SYNE2: variants seen among roughly 807,000 people sequenced by gnomAD.
The protein encoded by SYNE2 is nesprin-2.
SYNE2 carries 431 observed loss-of-function variants against 856.3 expected under a neutral mutation model. The ratio of observed to expected loss-of-function variants is 0.50; its 90% CI spans 0.47 to 0.55. The LOEUF (loss-of-function observed/expected upper bound fraction) is 0.55. Among genes scored for constraint, SYNE2 ranks in the 20% least tolerant of loss-of-function variants. SYNE2 has a pLI of 0.00. For missense variants in SYNE2, 8,129 were observed against 8,023.2 expected (o/e 1.01, Z -0.50); for synonymous variants, 2,923 against 2,872.3 (o/e 1.02, Z -0.56).
chr14:63,888,574 G>A (rs1429063268), intron 1 of SYNE2, among the ~76,000 whole-genome samples: 2 of 152,178 alleles, frequency 1.3e-5, no homozygotes, highest in African/African-American at 4.8e-5. Context: ...CAATGGCCGG[G>A]AATCAAGTAA....
chr14:64,105,714 A>C (rs1400658222), intron 64 of SYNE2, among the ~76,000 whole-genome samples: 1 of 152,196 alleles, frequency 6.6e-6, no homozygotes, highest in Admixed American at 6.5e-5. Flanking sequence ...TGCTGAATCA[A>C]AGTATATATC....
intron 8 of SYNE2, among the ~76,000 whole-genome samples, chr14:63,959,209 TA>T (rs2096277182): frequency 9.5e-6 from 1 of 104,934 alleles, no homozygotes; most frequent in African/African-American, 3.3e-5. Flanking sequence ...AATTAGGTTA[TA>T]TTTGTAAGCT....
rs780548007 is a variant in SYNE2 at position 64,214,298 on chromosome 14, G to A, written c.19161G>A (p.Pro6387=). 7.3e-5 allele frequency: 118 copies of A among 1,613,986 alleles called. 2 individuals carry two copies. The South Asian group carries it at 1.2e-3, about 16-fold the overall frequency. The change falls in exon 106 of 116, where the codon CCG becomes CCA. Residue 6387 remains proline (P), a synonymous_variant. Transcript: ENST00000555002. ...GTAAACGGGGAGAGAGCGAGGAACC[G>A]TCATCTCCTCAGTCCCTGTGTCATC... ...SWRKRGESEE[P]SSPQSLCHLV...
intron 1 of SYNE2, among the ~76,000 whole-genome samples, chr14:63,795,472 GTTAATAC>G (rs1442930779): frequency 2.0e-5 from 3 of 152,146 alleles, no homozygotes; most frequent in African/African-American, 7.2e-5. Flanking sequence ...GGTCGTGTGA[GTTAATAC>G]TTAATAGTTA....
intron 72 of SYNE2, 28 bp from the exon 73 acceptor site, chr14:64,126,570 T>A (rs2097948048): frequency 6.2e-7 from 1 of 1,614,062 alleles, no homozygotes; most frequent in Non-Finnish European, 8.5e-7. Context: ...CAGAGCTCAT[T>A]CATTGTCTTC....
rs1261546892 is a variant in SYNE2, at chr14:63,818,044, A to AAAC, written c.-304-34454_-304-34452dup. Among the ~76,000 whole-genome samples the AAAC allele has an allele frequency of 5.4e-5, 8 of 149,068 alleles. No individual in the cohort carries two copies. In the East Asian group the frequency reaches 1.4e-3, roughly 26 times the overall value. On this transcript the variant is annotated intron_variant, in intron 1 of 23. Transcript: ENST00000674003. Reference sequence around the variant, plus strand: ...TTTCTCAAAAAAAAAAAAAAAAAAAAAACAAATAAATAAAAATTAGACCAG... The same window carrying AAAC: ...TTTCTCAAAAAAAAAAAAAAAAAAAAAACAACAAATAAATAAAAATTAGACCAG...
At chr14:63,968,184 AAGG>A in intron 11 of SYNE2, among the ~76,000 whole-genome samples, 1 of 152,194 alleles carries the variant, frequency 6.6e-6, no homozygotes, top group Non-Finnish European at 1.5e-5. Flanking sequence ...AACATTTTCA[AAGG>A]GCAGCTTTGT....
At chr14:63,869,936 T>G (rs1402287005) in intron 1 of SYNE2, among the ~76,000 whole-genome samples, 9 of 152,282 alleles carry the variant, frequency 5.9e-5, no homozygotes, top group African/African-American at 2.2e-4. Context: ...TCTATCTCCT[T>G]TTAATCCCCT....
At chr14:63,928,364 G>A (rs947424219) in intron 2 of SYNE2, among the ~76,000 whole-genome samples, 2 of 152,234 alleles carry the variant, frequency 1.3e-5, no homozygotes, top group Non-Finnish European at 1.5e-5. Flanking sequence ...GTAATTGTGA[G>A]GTTGAGAAAT....
chr14:63,893,598 A>C (rs180905008), intron 1 of SYNE2, among the ~76,000 whole-genome samples: 32 of 152,316 alleles, frequency 2.1e-4, no homozygotes, highest in Non-Finnish European at 4.3e-4. Context: ...AACATTGCTC[A>C]AGTTATTAAT....
rs1370708644 is a variant in SYNE2, at chr14:63,986,616, A to T, written c.2312A>T (p.Lys771Met). Reference protein sequence around the residue: ...DVDTSMEESLKHLIAKGSMFD... With the variant: ...DVDTSMEESLMHLIAKGSMFD... ...GACACCTCAATGGAAGAATCTTTGA[A>T]GGTATGTGTGTAAAAGTATTAAGAG... The change falls in exon 19 of 116, where the codon AAG (lysine) becomes ATG (methionine). Residue 771 changes from lysine to methionine, a missense_variant and splice_region_variant. By Grantham distance (95) the Lys-to-Met change is moderately conservative. Transcript: ENST00000555002. 1 of 1,614,026 alleles carries T rather than the reference A, an allele frequency of 6.2e-7. No homozygotes were observed. The highest frequency in any genetic ancestry group is 1.7e-5 in the Admixed American group (1 of 60,030).
rs202084149 is a variant in SYNE2, at chr14:64,208,871, G to A, written c.18315G>A (p.Ser6105=). The A allele has an allele frequency of 6.4e-5, 104 of 1,614,168 alleles. No individual in the cohort carries two copies. The East Asian group carries it at 1.4e-3, about 22-fold the overall frequency. Residue 6105 remains serine, a synonymous_variant, in exon 101 of 116, where the codon TCG becomes TCA. Coordinates refer to ENST00000555002, the MANE Select transcript of SYNE2 (RefSeq NM_182914.3). ...GTGCAAATGAGACCGAGTGTGACTC[G>A]ATCCAGCAGACCACCAGGAGCCTGG... The part of the protein sequence containing the change: ...DACANETECD[S]IQQTTRSLDR...
At chr14:64,131,568 G>GTT (rs1567401046) in intron 76 of SYNE2, among the ~76,000 whole-genome samples, 7 of 151,992 alleles carry the variant, frequency 4.6e-5, no homozygotes, top group African/African-American at 1.7e-4. Flanking sequence ...TTTTTTGTTT[G>GTT]TTTGTTTTTG....
chr14:63,890,053 C>CTTTTTTTTT (rs71123813), intron 1 of SYNE2, among the ~76,000 whole-genome samples: 1 of 95,060 alleles, frequency 1.1e-5, no homozygotes. Context: ...TTCTTTCTTT[C>CTTTTTTTTT]TTTTTTTTTT....
Position 64,142,067 on chromosome 14 carries a change from ACAT to A in SYNE2, c.15287_15289del (p.His5096del). The A allele has an allele frequency of 6.2e-7, 1 of 1,614,158 alleles. No homozygotes were observed. The highest frequency in any genetic ancestry group is 8.5e-7 in the Non-Finnish European group (1 of 1,180,008). On this transcript the variant is annotated inframe_deletion, in exon 82 of 116. Transcript: ENST00000555002. The stretch of plus-strand genomic sequence containing the variant: ...CACCAAGTTCTGCATCTCAAGTTAA[ACAT>A]CTTCTTCAGAAGCACAAGGTAATTA...
chr14:64,150,935 A>G (rs1322760106), intron 84 of SYNE2, among the ~76,000 whole-genome samples: 2 of 152,192 alleles, frequency 1.3e-5, no homozygotes, highest in Non-Finnish European at 2.9e-5. Flanking sequence ...CTTTGTAACC[A>G]GTCCAGAAGA....
chr14:64,003,205 G>A lies in SYNE2; in HGVS notation c.4272G>A (p.Glu1424=), dbSNP rs775158696. ...HGYGVQEEFT[E]ENKLLEACIF... ...ATGGGGTACAGGAGGAATTCACTGA[G>A]GAAAACAAATTACTAGAGGCTTGTA... Residue 1424 remains glutamate (E), a synonymous_variant, in exon 30 of 116, where the codon GAG becomes GAA. Coordinates refer to ENST00000555002, the MANE Select transcript of SYNE2 (RefSeq NM_182914.3). 14 of 1,613,942 alleles carry A rather than the reference G, an allele frequency of 8.7e-6. No homozygotes were observed. The South Asian group carries it at 1.5e-4, about 18-fold the overall frequency.
intron 99 of SYNE2, among the ~76,000 whole-genome samples, chr14:64,197,786 G>C (rs910892720): frequency 3.9e-5 from 6 of 151,982 alleles, no homozygotes; most frequent in African/African-American, 1.4e-4. Flanking sequence ...TATATAGAAT[G>C]TTGCTAACCT....
At chr14:64,058,480 G>T (rs960007805) in intron 49 of SYNE2, among the ~76,000 whole-genome samples, 5 of 151,804 alleles carry the variant, frequency 3.3e-5, no homozygotes, top group African/African-American at 9.7e-5. Flanking sequence ...CCTCTTTAAG[G>T]CCAATAACTC....
Sources: gnomAD v4.1 joint callset for allele counts (sites outside exome capture counted in the v4.1 genomes callset) on GRCh38, gnomAD v4.1.1 for gene constraint, MANE v1.5 for transcripts, NCBI Gene and HGNC (gene_info 2026-07-23, HGNC 2026-07-21) for gene names.